The following ST6GALNAC3 variants were observed in gnomAD, a reference collection of about 807,000 sequenced individuals.
ST6GALNAC3 encodes alpha-N-acetylgalactosaminide alpha-2,6-sialyltransferase 3.
A neutral mutation model predicts 32.7 loss-of-function variants in ST6GALNAC3; 25 were observed. The ratio of observed to expected loss-of-function variants is 0.76; its 90% CI spans 0.56 to 1.07. ST6GALNAC3 has a LOEUF of 1.07. Among genes scored for constraint, ST6GALNAC3 ranks in the 50% least tolerant of loss-of-function variants. The pLI, the probability that ST6GALNAC3 is intolerant of heterozygous loss-of-function variation, is 0.00. For synonymous variants in ST6GALNAC3, 129 were observed against 133.1 expected, an observed-to-expected ratio of 0.97 and a Z score of 0.21; for missense variants, 355 against 382.4, an observed-to-expected ratio of 0.93 and a Z score of 0.60.
chr1:76,337,227 C>T (rs1174008883), intron 2 of ST6GALNAC3, among the ~76,000 whole-genome samples: 1 of 152,156 alleles, frequency 6.6e-6, no homozygotes, highest in Non-Finnish European at 1.5e-5. Flanking sequence ...TCCTGCATTC[C>T]CCAAGCACTC....
At chr1:76,308,020 G>T (rs1030072760) in intron 1 of ST6GALNAC3, 20 of 408,266 alleles carry the variant, frequency 4.9e-5, no homozygotes, top group South Asian at 1.3e-4. Flanking sequence ...GCTGTTAAAG[G>T]CCCCTTCAGA....
chr1:76,466,667 A>G (rs2101613726), intron 3 of ST6GALNAC3, among the ~76,000 whole-genome samples: 2 of 152,226 alleles, frequency 1.3e-5, no homozygotes, highest in Middle Eastern at 6.8e-3. Context: ...GAAGGCTAAG[A>G]TGTTCACTGC....
At chr1:76,123,926 T>G (rs1207228918) in intron 1 of ST6GALNAC3, among the ~76,000 whole-genome samples, 1 of 151,890 alleles carries the variant, frequency 6.6e-6, no homozygotes, top group Non-Finnish European at 1.5e-5. Flanking sequence ...ATTTTTGTAT[T>G]TTTTGGTAGT....
Position 76,509,791 on chromosome 1 carries a change from T to C in ST6GALNAC3, c.623+97374T>C, listed in dbSNP as rs985781281. Among the ~76,000 whole-genome samples the C allele has an allele frequency of 6.6e-6, 1 of 152,124 alleles. No individual in the cohort carries two copies. The highest frequency in any genetic ancestry group is 1.5e-5 in the Non-Finnish European group (1 of 68,016). The stretch of plus-strand genomic sequence containing the variant: ...CAATTTCTGCTTCCATTCTCACATA[T>C]CTTTTCCTCACATTGCTGTTTCTCT... On this transcript the variant is annotated intron_variant, in intron 3 of 4. Coordinates refer to ENST00000328299, the MANE Select transcript of ST6GALNAC3 (RefSeq NM_152996.4). The surrounding 1 kb of genome is among the most constrained non-coding windows in gnomAD (Gnocchi z 5.5).
Position 76,629,991 on chromosome 1 carries a change from T to C in ST6GALNAC3, c.*1185T>C. On this transcript the variant is annotated 3_prime_UTR_variant, in exon 5 of 5. Coordinates refer to ENST00000328299, the MANE Select transcript of ST6GALNAC3 (RefSeq NM_152996.4). ...TGTTATGCCACAATAACAACAATAA[T>C]AATGTTCTTAATGTCCAAAGTGCTT... 1.0e-6 allele frequency: 1 copy of C among 985,148 alleles called. No homozygotes were observed. The highest frequency in any genetic ancestry group is 1.2e-6 in the Non-Finnish European group (1 of 829,786). The allele number at this position is 985,148 out of a possible 1,614,324, so 61.0% of individuals were successfully genotyped here.
chr1:76,608,368 A>G (rs928799916), intron 3 of ST6GALNAC3, among the ~76,000 whole-genome samples: 2 of 152,212 alleles, frequency 1.3e-5, no homozygotes, highest in African/African-American at 4.8e-5. Flanking sequence ...CCAAATAAAC[A>G]ACACTCATGA....
At chr1:76,264,146 C>G (rs1170703849) in intron 1 of ST6GALNAC3, among the ~76,000 whole-genome samples, 7 of 152,142 alleles carry the variant, frequency 4.6e-5, no homozygotes, top group African/African-American at 1.4e-4. Flanking sequence ...GATGAGGAAA[C>G]TTCTCAGCGA....
intron 3 of ST6GALNAC3, among the ~76,000 whole-genome samples, chr1:76,549,342 C>T (rs1361796689): frequency 6.6e-6 from 1 of 151,990 alleles, no homozygotes; most frequent in Admixed American, 6.6e-5. Flanking sequence ...TTGAGTTTAC[C>T]AGTCTAGTAT....
intron 2 of ST6GALNAC3, among the ~76,000 whole-genome samples, chr1:76,406,042 T>G (rs1653808685): frequency 6.6e-6 from 1 of 151,966 alleles, no homozygotes; most frequent in South Asian, 2.1e-4. Flanking sequence ...AACAATTCAT[T>G]TGTATGCCTC....
chr1:76,152,913 T>C (rs1393865972), intron 1 of ST6GALNAC3, among the ~76,000 whole-genome samples: 2 of 152,226 alleles, frequency 1.3e-5, no homozygotes, highest in Non-Finnish European at 2.9e-5. Context: ...AAGCCCAAAA[T>C]ATAAGCTCTA....
intron 3 of ST6GALNAC3, among the ~76,000 whole-genome samples, chr1:76,579,898 A>G (rs534660626): frequency 1.3e-5 from 2 of 152,174 alleles, no homozygotes; most frequent in African/African-American, 2.4e-5. Flanking sequence ...AGTGCTAGCC[A>G]TTAATGTTCA....
At chr1:76,617,995 G>A (rs887239205) in intron 3 of ST6GALNAC3, among the ~76,000 whole-genome samples, 24 of 152,220 alleles carry the variant, frequency 1.6e-4, no homozygotes, top group Middle Eastern at 3.4e-3. Context: ...GTTTTGAATC[G>A]TGAAATTACA....
At chr1:76,534,648 T>C (rs1348831993) in intron 3 of ST6GALNAC3, among the ~76,000 whole-genome samples, 2 of 152,218 alleles carry the variant, frequency 1.3e-5, no homozygotes, top group African/African-American at 4.8e-5. Context: ...CTGTAGATGT[T>C]CTTTGGAGCT....
chr1:76,232,162 C>T (rs1278442224), intron 1 of ST6GALNAC3, among the ~76,000 whole-genome samples: 1 of 152,126 alleles, frequency 6.6e-6, no homozygotes, highest in Non-Finnish European at 1.5e-5. Context: ...ATTGTTTTAC[C>T]TATAGTGGTT....
chr1:76,155,772 C>T (rs572718615), intron 1 of ST6GALNAC3, among the ~76,000 whole-genome samples: 44 of 152,208 alleles, frequency 2.9e-4, no homozygotes, highest in African/African-American at 1.1e-3. Flanking sequence ...CCACCGCGCC[C>T]GGCCTCCTAT....
intron 1 of ST6GALNAC3, among the ~76,000 whole-genome samples, chr1:76,120,649 C>T (rs1223326704): frequency 6.6e-6 from 1 of 152,140 alleles, no homozygotes; most frequent in Non-Finnish European, 1.5e-5. Context: ...TATCACCTGC[C>T]TACTTGATAA....
At chr1:76,434,875 C>G (rs1186408188) in intron 3 of ST6GALNAC3, among the ~76,000 whole-genome samples, 1 of 145,752 alleles carries the variant, frequency 6.9e-6, no homozygotes, top group Non-Finnish European at 1.5e-5. Context: ...ACTGCAACCT[C>G]TGCCTCCCAG....
At chr1:76,515,406 C>G (rs1662113848) in intron 3 of ST6GALNAC3, among the ~76,000 whole-genome samples, 1 of 150,942 alleles carries the variant, frequency 6.6e-6, no homozygotes, top group Non-Finnish European at 1.5e-5. Context: ...ATTTTTTAGT[C>G]TCTGTTTATT....
At chr1:76,280,525 C>G (rs192900480) in intron 1 of ST6GALNAC3, among the ~76,000 whole-genome samples, 23 of 152,218 alleles carry the variant, frequency 1.5e-4, no homozygotes, top group African/African-American at 5.1e-4. Context: ...AGCACTGTGA[C>G]CTTCTGTTAC....
Sources: allele counts gnomAD v4.1 joint callset (sites outside exome capture counted in the v4.1 genomes callset), GRCh38; gene constraint gnomAD v4.1.1; non-coding constraint Gnocchi (gnomAD v3.1); transcripts MANE v1.5; gene names NCBI Gene and HGNC (gene_info 2026-07-23, HGNC 2026-07-21).